LRRC49: variants seen among roughly 807,000 people sequenced by gnomAD.
LRRC49 encodes the protein leucine rich repeat containing 49.
A neutral mutation model predicts 83.3 loss-of-function variants in LRRC49; 50 were observed. The observed-to-expected ratio is 0.60, with a 90% confidence interval of 0.48 to 0.76. LRRC49 has a LOEUF of 0.76. LRRC49 is among the 30% of genes least tolerant of loss of function. The probability of loss-of-function intolerance (pLI) is 0.00; values close to 1 mark genes in which losing one functional copy is unlikely to be tolerated. For synonymous variants in LRRC49, 286 were observed against 283.3 expected (o/e 1.01, Z -0.10); for missense variants, 704 against 809.1 (o/e 0.87, Z 1.58).
intron 13 of LRRC49, among the ~76,000 whole-genome samples, chr15:71,011,995 G>A (rs562366748): frequency 2.0e-5 from 3 of 152,196 alleles, no homozygotes; most frequent in African/African-American, 7.2e-5. Flanking sequence ...ATTGTGACAT[G>A]TTTAACAGCA....
chr15:71,037,341 A>G lies in LRRC49; in HGVS notation c.1857+9A>G. ...ATAATGAAAAGCTAGAGGTAAAACT[A>G]CTGTTAATCTTTGCGATCTAATGCC... is the stretch of plus-strand genomic sequence containing the variant. On this transcript the variant is annotated intron_variant, in intron 15 of 15. Coordinates refer to ENST00000260382, the MANE Select transcript of LRRC49 (RefSeq NM_017691.5). The G allele has an allele frequency of 6.3e-7, 1 of 1,580,154 alleles. No individual in the cohort carries two copies.
rs116689920 is a variant in LRRC49 at position 70,975,956 on chromosome 15, G to A, written c.922-4145G>A. On this transcript the variant is annotated intron_variant, in intron 9 of 15. Coordinates refer to ENST00000260382, the MANE Select transcript of LRRC49 (RefSeq NM_017691.5). ...TAATGTATATCATTTCCAGGCAGAA[G>A]CATTTAAAAGCATGATTCTCATGCT... Among the ~76,000 whole-genome samples the A allele has an allele frequency of 4.6e-3, 704 of 152,270 alleles. 9 individuals carry two copies. The highest frequency in any genetic ancestry group is 0.016 in the African/African-American group (684 of 41,538).
chr15:71,047,401 C>T (rs1218576969), intron 15 of LRRC49, among the ~76,000 whole-genome samples: 2 of 152,184 alleles, frequency 1.3e-5, no homozygotes, highest in Non-Finnish European at 2.9e-5. Flanking sequence ...AGGTCTTTCA[C>T]CTTCTTAGCT....
intron 1 of LRRC49, among the ~76,000 whole-genome samples, chr15:70,871,883 C>T (rs2033052165): frequency 6.6e-6 from 1 of 150,618 alleles, no homozygotes; most frequent in Admixed American, 6.6e-5. Flanking sequence ...GGGATGGTGG[C>T]CGGGAAGAGG....
At chr15:70,978,512 G>C (rs1187276377) in intron 9 of LRRC49, among the ~76,000 whole-genome samples, 1 of 152,170 alleles carries the variant, frequency 6.6e-6, no homozygotes, top group Non-Finnish European at 1.5e-5. Flanking sequence ...ATGTGTCTTG[G>C]ATATGCAAAG....
chr15:71,033,266 C>G (rs1269459172), intron 14 of LRRC49, among the ~76,000 whole-genome samples: 1 of 152,092 alleles, frequency 6.6e-6, no homozygotes, highest in South Asian at 2.1e-4. Context: ...TTCACAATTG[C>G]TACAAAGAGA....
chr15:70,854,104 G>T (rs1364841936), intron 1 of LRRC49: 143 of 1,251,894 alleles, frequency 1.1e-4, no homozygotes, highest in South Asian at 1.8e-4. Flanking sequence ...GCGGGACTGC[G>T]GCGCCGCCGG....
intron 7 of LRRC49, among the ~76,000 whole-genome samples, chr15:70,920,801 T>C (rs28675176): frequency 0.2 from 30,604 of 152,122 alleles, 3,290 homozygotes; most frequent in Middle Eastern, 0.34. Flanking sequence ...TACAGTCAAT[T>C]GTGAAATTTG....
chr15:70,953,034 G>C (rs2036275785), intron 8 of LRRC49, among the ~76,000 whole-genome samples: 2 of 152,108 alleles, frequency 1.3e-5, no homozygotes, highest in African/African-American at 2.4e-5. Context: ...TTACTTGTGA[G>C]ATGTGTCTCT....
intron 1 of LRRC49, among the ~76,000 whole-genome samples, chr15:70,867,763 G>A (rs1431617112): frequency 1.3e-5 from 2 of 152,136 alleles, no homozygotes; most frequent in Non-Finnish European, 2.9e-5. Context: ...GCTATATGAA[G>A]GGCACTGGAA....
chr15:70,906,981 A>G (rs909924232), intron 5 of LRRC49, among the ~76,000 whole-genome samples: 1 of 152,216 alleles, frequency 6.6e-6, no homozygotes, highest in Non-Finnish European at 1.5e-5. Flanking sequence ...CCCCTATTGC[A>G]TGTTTTTCAA....
upstream of LRRC49, among the ~76,000 whole-genome samples, chr15:70,890,613 G>GT (rs1182608424): frequency 6.6e-6 from 1 of 152,198 alleles, no homozygotes; most frequent in East Asian, 1.9e-4. Flanking sequence ...TGCTACTGAA[G>GT]TATCTGTGCT....
At chr15:70,964,988 C>T (rs2036743014) in intron 9 of LRRC49, among the ~76,000 whole-genome samples, 1 of 152,120 alleles carries the variant, frequency 6.6e-6, no homozygotes, top group African/African-American at 2.4e-5. Context: ...TGATGGATAC[C>T]AGAGGTCTTC....
In LRRC49 at chr15:71,051,280, G is replaced by A. The variant is rs994085166; in HGVS notation, c.*1668G>A. 1 of 152,244 alleles carries A rather than the reference G, an allele frequency of 6.6e-6. No homozygotes were observed. The highest frequency in any genetic ancestry group is 2.4e-5 in the African/African-American group (1 of 41,438). The allele number at this position is 152,244 out of a possible 1,614,324, so 9.4% of individuals were successfully genotyped here. On this transcript the variant is annotated 3_prime_UTR_variant, in exon 16 of 16. Coordinates refer to ENST00000260382, the MANE Select transcript of LRRC49 (RefSeq NM_017691.5). ...ATGTAAAGCATTTCTCATCATGCCT[G>A]GCACACAGCAAACACCCAATACGTT...
chr15:70,940,562 G>A (rs2035777679), intron 8 of LRRC49, among the ~76,000 whole-genome samples: 1 of 152,104 alleles, frequency 6.6e-6, no homozygotes, highest in Admixed American at 6.6e-5. Context: ...TTTTTTATGA[G>A]CTCAGGTTGT....
intron 1 of LRRC49, 66 bp downstream of exon 1, chr15:70,893,008 T>G: frequency 6.4e-7 from 1 of 1,553,372 alleles, no homozygotes; most frequent in Non-Finnish European, 8.9e-7. Flanking sequence ...GTCTTTGTCC[T>G]AGGAGATGGG....
At chr15:71,019,840 A>G (rs1201721723) in intron 14 of LRRC49, among the ~76,000 whole-genome samples, 1 of 152,220 alleles carries the variant, frequency 6.6e-6, no homozygotes, top group Non-Finnish European at 1.5e-5. Flanking sequence ...TCCTCTCTGG[A>G]AGAAGTTACT....
At chr15:70,888,462 ATGTTGGGGAAAATG>A (rs1269419009), upstream of LRRC49, among the ~76,000 whole-genome samples, 1 of 152,176 alleles carries the variant, frequency 6.6e-6, no homozygotes, top group Non-Finnish European at 1.5e-5. Flanking sequence ...ATGGGTATCA[ATGTTGGGGAAAATG>A]AAACTTAAAT....
In LRRC49 at chr15:70,964,057, A is replaced by G. The variant is rs1308417486; in HGVS notation, c.921+125A>G. The G allele has an allele frequency of 4.8e-6, 4 of 828,064 alleles. No homozygotes were observed. In the East Asian group the frequency reaches 9.0e-5, roughly 19 times the overall value. The allele number at this position is 828,064 out of a possible 1,614,324, so 51.3% of individuals were successfully genotyped here. A position where few individuals can be genotyped will look rare whatever the true frequency, so the allele number is the denominator to read the frequency against. ...GAACTATGGGTTATCATGATTGTAT[A>G]CTTCATAATTGCAATTATGTAGTTT... On this transcript the variant is annotated intron_variant, in intron 9 of 15. Coordinates refer to ENST00000260382, the MANE Select transcript of LRRC49 (RefSeq NM_017691.5).
Sources: gnomAD v4.1 joint callset for allele counts (sites outside exome capture counted in the v4.1 genomes callset) on GRCh38, gnomAD v4.1.1 for gene constraint, MANE v1.5 for transcripts, NCBI Gene and HGNC (gene_info 2026-07-23, HGNC 2026-07-21) for gene names.